NLRC4: variants seen among roughly 807,000 people sequenced by gnomAD.
NLRC4 encodes NLR family CARD domain containing 4.
In NLRC4, 63 loss-of-function variants were observed where a neutral mutation model predicts 79.9. The ratio of observed to expected loss-of-function variants is 0.79; its 90% CI spans 0.64 to 0.97. The LOEUF (loss-of-function observed/expected upper bound fraction) is 0.97, where lower values mean the gene tolerates loss of function less well. Ranked by LOEUF, NLRC4 falls within the 50% of genes least tolerant of loss-of-function variation. The pLI, the probability that NLRC4 is intolerant of heterozygous loss-of-function variation, is 0.00. For missense variants in NLRC4, 1,074 were observed against 1,215.2 expected (o/e 0.88, Z 1.73); for synonymous variants, 461 against 456.5 (o/e 1.01, Z -0.12).
At chr2:32,246,011 C>T (rs1686927555) in intron 4 of NLRC4, among the ~76,000 whole-genome samples, 1 of 151,804 alleles carries the variant, frequency 6.6e-6, no homozygotes, top group East Asian at 1.9e-4. Context: ...TGGTGAAACC[C>T]CGTCTGTACT....
At chr2:32,227,183 G>A (rs77430672) in intron 8 of NLRC4, among the ~76,000 whole-genome samples, 1 of 142,936 alleles carries the variant, frequency 7.0e-6, no homozygotes, top group African/African-American at 2.6e-5. Context: ...AAAAAAAAAA[G>A]TAGGGGTCTG....
chr2:32,260,854 G>A (rs1262858552), intron 1 of NLRC4, among the ~76,000 whole-genome samples: 1 of 152,114 alleles, frequency 6.6e-6, no homozygotes, highest in African/African-American at 2.4e-5. Flanking sequence ...CAATCTCTCA[G>A]TCCCTATGTA....
chr2:32,228,755 G>A (rs1686461865), intron 8 of NLRC4, among the ~76,000 whole-genome samples: 1 of 151,752 alleles, frequency 6.6e-6, no homozygotes, highest in South Asian at 2.1e-4. Context: ...ACATGAATAG[G>A]GTCTGCGATG....
chr2:32,256,650 AAT>A, intron 2 of NLRC4, 123 bp downstream of exon 2: 1 of 690,502 alleles, frequency 1.4e-6, no homozygotes. Flanking sequence ...ACAACAGAAG[AAT>A]ATTTATTGGT....
chr2:32,241,023 GA>G lies in NLRC4; in HGVS notation c.2350+9del, dbSNP rs1686787668. The stretch of plus-strand genomic sequence containing the variant: ...TTACATTGATACAAATATGAGAACA[GA>G]AATCTGACCTAGTTTTATAGCATCT... On this transcript the variant is annotated intron_variant, in intron 5 of 8. Coordinates refer to ENST00000402280, the MANE Select transcript of NLRC4 (RefSeq NM_001199138.2). The G allele has an allele frequency of 3.3e-6, 5 of 1,508,218 alleles. No homozygotes were observed. Among genetic ancestry groups the G allele is most frequent in the Middle Eastern group, 1.7e-4 (1 of 5,830 alleles). 93.4% of individuals were successfully genotyped at this position (1,508,218 alleles called of 1,614,324 possible).
chr2:32,254,878 A>G (rs1054005868), intron 2 of NLRC4, among the ~76,000 whole-genome samples: 2 of 151,660 alleles, frequency 1.3e-5, no homozygotes, highest in Admixed American at 1.3e-4. Flanking sequence ...TCAGCTTCCC[A>G]AAGTGCTAGG....
At chr2:32,251,901 A>G (rs1232224644) in intron 3 of NLRC4, among the ~76,000 whole-genome samples, 2 of 152,226 alleles carry the variant, frequency 1.3e-5, no homozygotes, top group Non-Finnish European at 2.9e-5. Flanking sequence ...TGGCAGAGAA[A>G]GATGGTTAGG....
Position 32,249,701 on chromosome 2 carries a change from G to T in NLRC4, c.2163C>A (p.Ala721=), listed in dbSNP as rs1482373969. The change falls in exon 4 of 9, where the codon GCC becomes GCA. Residue 721 remains alanine (A), a synonymous_variant. Transcript: ENST00000402280. ...TCTCATCTTCTATGGTGAGGGGACTGGCTTCCACCATGAGAGAATAAATGT... is the reference window on the plus strand; with the variant it reads ...TCTCATCTTCTATGGTGAGGGGACTTGCTTCCACCATGAGAGAATAAATGT... The part of the protein sequence containing the change: ...CKNIYSLMVE[A]SPLTIEDERH... 3 of 1,613,912 alleles carry T rather than the reference G, an allele frequency of 1.9e-6. No individual in the cohort carries two copies. The Admixed American group carries it at 5.0e-5, about 27-fold the overall frequency.
intron 8 of NLRC4, among the ~76,000 whole-genome samples, chr2:32,230,958 C>T (rs1298146015): frequency 6.6e-6 from 1 of 152,136 alleles, no homozygotes; most frequent in Non-Finnish European, 1.5e-5. Context: ...AAAATAATAA[C>T]CATCCCTAGT....
chr2:32,255,660 TA>T (rs1215917516), intron 2 of NLRC4, among the ~76,000 whole-genome samples: 1 of 152,114 alleles, frequency 6.6e-6, no homozygotes, highest in African/African-American at 2.4e-5. Context: ...ATACTCTAAT[TA>T]TTTAAAAGAC....
At position 32,250,334 on chromosome 2, in the gene NLRC4, T is replaced by C. The variant is rs199475955; in HGVS notation, c.1530A>G (p.Ala510=). The C allele has an allele frequency of 8.7e-6, 14 of 1,614,216 alleles. No individual in the cohort carries two copies. In the African/African-American group the frequency reaches 1.9e-4, roughly 22 times the overall value. The change falls in exon 4 of 9, where the codon GCA becomes GCG. Residue 510 remains alanine (A), a synonymous_variant. Transcript: ENST00000402280. This position sits in a 1 kb window ranked among gnomAD's most constrained non-coding sequence, Gnocchi z 4.9. ...EATRAVMKHL[A]AVYQHGCLLG... is the part of the protein sequence containing the mutation. ...GAAGGCAGCCGTGTTGATACACTGC[T>C]GCGAGGTGCTTCATAACAGCCCTGG... is the stretch of plus-strand genomic sequence containing the variant.
Position 32,250,155 on chromosome 2 carries a change from G to T in NLRC4, c.1709C>A (p.Ala570Asp), listed in dbSNP as rs547864535. 1.2e-6 allele frequency: 2 copies of T among 1,614,202 alleles called. No individual in the cohort carries two copies. The highest frequency in any genetic ancestry group is 2.7e-5 in the African/African-American group (2 of 75,050). Residue 570 changes from alanine to aspartate, a missense_variant, in exon 4 of 9, where the codon GCC becomes GAC. Coordinates refer to ENST00000402280, the MANE Select transcript of NLRC4 (RefSeq NM_001199138.2). This position sits in a 1 kb window ranked among gnomAD's most constrained non-coding sequence, Gnocchi z 4.9. Reference protein sequence around the residue: ...HLYQESTSKSALSQEFEAFFQ... With the variant: ...HLYQESTSKSDLSQEFEAFFQ... ...GAAAGCTTCAAATTCTTGGCTCAGG[G>T]CTGATTTGGATGTACTCTCTTGATA...
At chr2:32,249,283 G>A (rs1687008107) in intron 4 of NLRC4, among the ~76,000 whole-genome samples, 1 of 152,204 alleles carries the variant, frequency 6.6e-6, no homozygotes, top group Admixed American at 6.5e-5. Flanking sequence ...CCACCCCAAA[G>A]TGAACATGGG....
At chr2:32,263,039 TC>T (rs1309998386) in intron 1 of NLRC4, among the ~76,000 whole-genome samples, 1 of 152,054 alleles carries the variant, frequency 6.6e-6, no homozygotes. Context: ...TAGTACTAAT[TC>T]TAAAATTGGC....
intron 8 of NLRC4, among the ~76,000 whole-genome samples, chr2:32,226,600 G>A (rs559434113): frequency 9.2e-4 from 140 of 152,294 alleles, no homozygotes; most frequent in African/African-American, 3.3e-3. Flanking sequence ...TGAGACAGAG[G>A]CCGGGTGCGG....
intron 5 of NLRC4, among the ~76,000 whole-genome samples, chr2:32,240,273 G>A (rs750336580): frequency 1.3e-5 from 2 of 152,232 alleles, no homozygotes; most frequent in Middle Eastern, 3.4e-3. Context: ...GATCCACCAT[G>A]CCCAGGCTTC....
rs145652108 is a variant in NLRC4, at chr2:32,245,484, T to C, written c.2257+4123A>G. ...GGTTACCAGAGGCTGGGAAGGGTAG[T>C]AGGGAGGAGGTGGAAATGGTTAATG... is the stretch of plus-strand genomic sequence containing the variant. On this transcript the variant is annotated intron_variant, in intron 4 of 8. Coordinates refer to ENST00000402280, the MANE Select transcript of NLRC4 (RefSeq NM_001199138.2). Among the ~76,000 whole-genome samples, 290 of 151,846 alleles carry C rather than the reference T, an allele frequency of 1.9e-3. 8 individuals are homozygous for C. In the East Asian group the frequency reaches 0.046, roughly 24 times the overall value.
intron 2 of NLRC4, among the ~76,000 whole-genome samples, chr2:32,255,137 G>T (rs1229370320): frequency 2.6e-5 from 4 of 151,702 alleles, no homozygotes; most frequent in African/African-American, 4.9e-5. Flanking sequence ...CTCCTTCTGG[G>T]GTCTCATCTG....
chr2:32,249,930 G>C lies in NLRC4; in HGVS notation c.1934C>G (p.Pro645Arg), dbSNP rs751650141. The C allele has an allele frequency of 1.9e-6, 3 of 1,614,156 alleles. No individual in the cohort carries two copies. The highest frequency in any genetic ancestry group is 2.5e-6 in the Non-Finnish European group (3 of 1,180,040). The change falls in exon 4 of 9, where the codon CCC becomes CGC. Residue 645 changes from proline (P) to arginine (R), a missense_variant. Physicochemically the swap from Pro to Arg is moderately radical, Grantham distance 103. Coordinates refer to ENST00000402280, the MANE Select transcript of NLRC4 (RefSeq NM_001199138.2). ...GAAGAACAAAGATACAGCCCTGCTG[G>C]GAATGTAGGTTTCTGGGGCCTCTTC... ...HMEEAPETYI[P>R]SRAVSLFFNW... is the part of the protein sequence containing the mutation.
Sources: allele counts gnomAD v4.1 joint callset (sites outside exome capture counted in the v4.1 genomes callset), GRCh38; gene constraint gnomAD v4.1.1; non-coding constraint Gnocchi (gnomAD v3.1); transcripts MANE v1.5; gene names NCBI Gene and HGNC (gene_info 2026-07-23, HGNC 2026-07-21).